Variants in PARP14 observed in about 807,000 individuals in gnomAD.
The protein encoded by PARP14 is protein mono-ADP-ribosyltransferase PARP14.
Under a neutral mutation model 154.2 loss-of-function variants are expected in PARP14, and 59 were observed. The ratio of observed to expected loss-of-function variants is 0.38; its 90% CI spans 0.31 to 0.48. PARP14 has a LOEUF of 0.48. PARP14 is among the 20% of genes least tolerant of loss of function. The pLI is 0.98. For missense variants in PARP14, 1,734 were observed against 2,131.6 expected (o/e 0.81, Z 3.67); for synonymous variants, 720 against 780.5 (o/e 0.92, Z 1.29).
At chr3:122,704,497 A>G (rs1163785491) in intron 7 of PARP14, 30 bp from the exon 8 acceptor site, 1 of 1,348,360 alleles carries the variant, frequency 7.4e-7, no homozygotes, top group South Asian at 1.3e-5. Context: ...TCTAGACAAG[A>G]TGTATAAGGA....
intron 1 of PARP14, among the ~76,000 whole-genome samples, chr3:122,683,560 G>A (rs1006516200): frequency 3.9e-5 from 6 of 151,984 alleles, no homozygotes; most frequent in African/African-American, 9.7e-5. Context: ...GGTTGTTGTC[G>A]GGTTCCTTGT....
At chr3:122,693,372 G>A (rs549897697) in intron 4 of PARP14, among the ~76,000 whole-genome samples, 66 of 152,294 alleles carry the variant, frequency 4.3e-4, no homozygotes, top group Non-Finnish European at 7.6e-4. Context: ...CAGTGGAGCG[G>A]TTAAGAGCAC....
intron 12 of PARP14, among the ~76,000 whole-genome samples, chr3:122,716,442 A>T (rs893104703): frequency 1.3e-5 from 2 of 152,170 alleles, no homozygotes; most frequent in African/African-American, 4.8e-5. Context: ...GGCTCTGGAG[A>T]TAGAAAGATA....
chr3:122,695,396 AT>A lies in PARP14; in HGVS notation c.599-26del. On this transcript the variant is annotated intron_variant, in intron 4 of 16. Transcript: ENST00000474629. Reference sequence around the variant, plus strand: ...ATAAAGATACAATAAAAATTTACTGATTTTCTTTCTTTTTTTTTTTGGTTTG... The same window carrying A: ...ATAAAGATACAATAAAAATTTACTGATTTCTTTCTTTTTTTTTTTGGTTTG... 2.7e-6 allele frequency: 3 copies of A among 1,103,988 alleles called. No homozygotes were observed. The Admixed American group carries it at 7.2e-5, about 27-fold the overall frequency. The allele number at this position is 1,103,988 out of a possible 1,614,324, so 68.4% of individuals were successfully genotyped here.
intron 6 of PARP14, among the ~76,000 whole-genome samples, chr3:122,702,189 G>C (rs1025945131): frequency 2.6e-5 from 4 of 152,100 alleles, no homozygotes; most frequent in African/African-American, 9.7e-5. Flanking sequence ...GGGCATGGCA[G>C]GGGTTGGAGG....
chr3:122,701,873 T>C lies in PARP14; in HGVS notation c.3081+238T>C, dbSNP rs1444031946. On this transcript the variant is annotated intron_variant, in intron 6 of 16. Transcript: ENST00000474629. This position sits in a 1 kb window ranked among gnomAD's most constrained non-coding sequence, Gnocchi z 4.0. ...AACTGAAAGGGTATAGAGGTCAGAT[T>C]GCTAGATTTCCAGTAGATGTAAAAC... is the stretch of plus-strand genomic sequence containing the variant. Among the ~76,000 whole-genome samples, 1 of 152,238 alleles carries C rather than the reference T, an allele frequency of 6.6e-6. No individual in the cohort carries two copies. Among genetic ancestry groups the C allele is most frequent in the African/African-American group, 2.4e-5 (1 of 41,466 alleles).
At chr3:122,716,606 G>T (rs1317563583) in intron 12 of PARP14, among the ~76,000 whole-genome samples, 1 of 152,130 alleles carries the variant, frequency 6.6e-6, no homozygotes, top group Non-Finnish European at 1.5e-5. Context: ...AAACCCAGCT[G>T]GTCCCTAGGT....
chr3:122,701,508 C>A lies in PARP14; in HGVS notation c.2954C>A (p.Thr985Lys). ...KTVFKATLPD[T>K]AAPPGLPPAA... Reference sequence around the variant, plus strand: ...GTATTTAAAGCCACCCTGCCAGATACAGCTGCCCCGCCAGGTTTACCACCA... The same window carrying A: ...GTATTTAAAGCCACCCTGCCAGATAAAGCTGCCCCGCCAGGTTTACCACCA... Residue 985 changes from threonine to lysine, a missense_variant, in exon 6 of 17, where the codon ACA becomes AAA. Around this residue, in one of 2 missense-constraint regions of PARP14, gnomAD observed 1,646 missense variants for 1,976.0 expected, o/e 0.83. Coordinates refer to ENST00000474629, the MANE Select transcript of PARP14 (RefSeq NM_017554.3). This position sits in a 1 kb window ranked among gnomAD's most constrained non-coding sequence, Gnocchi z 4.0. The A allele has an allele frequency of 6.2e-7, 1 of 1,613,410 alleles. No individual in the cohort carries two copies. The highest frequency in any genetic ancestry group is 8.5e-7 in the Non-Finnish European group (1 of 1,179,572).
chr3:122,689,012 G>A (rs1459485671), intron 3 of PARP14, among the ~76,000 whole-genome samples: 1 of 152,174 alleles, frequency 6.6e-6, no homozygotes, highest in Non-Finnish European at 1.5e-5. Flanking sequence ...GCACTTGGAA[G>A]GTCCTGGAGA....
chr3:122,692,677 AG>A (rs1380187482), intron 4 of PARP14, 134 bp downstream of exon 4: 6 of 692,766 alleles, frequency 8.7e-6, no homozygotes, highest in Middle Eastern at 5.3e-4. Context: ...AAGTTAATAT[AG>A]TTTTTTTTAT....
Position 122,728,336 on chromosome 3 carries a change from T to C in PARP14, c.5145T>C (p.Phe1715=). 1 of 1,613,462 alleles carries C rather than the reference T, an allele frequency of 6.2e-7. No individual in the cohort carries two copies. Among genetic ancestry groups the C allele is most frequent in the South Asian group, 1.1e-5 (1 of 91,076 alleles). Residue 1715 remains phenylalanine (F), a synonymous_variant, in exon 17 of 17, where the codon TTT becomes TTC. Coordinates refer to ENST00000474629, the MANE Select transcript of PARP14 (RefSeq NM_017554.3). ...TGGCATATGGAAAGGGAACCTATTT[T>C]GCTGTCAATGCCAATTATTCTGCCA... ...NAVAYGKGTY[F]AVNANYSAND...
chr3:122,721,626 A>G (rs1171373879), intron 15 of PARP14: 1 of 152,224 alleles, frequency 6.6e-6, no homozygotes, highest in Non-Finnish European at 1.5e-5. Context: ...CTGCAAAATC[A>G]ACTTCTCTAA....
intron 15 of PARP14, among the ~76,000 whole-genome samples, chr3:122,724,792 CTGCGGCCTTCCGCAGTGTT>C (rs1933248015): frequency 6.6e-6 from 1 of 152,106 alleles, no homozygotes; most frequent in Non-Finnish European, 1.5e-5. Context: ...GCAGAGATCC[CTGCGGCCTTCCGCAGTGTT>C]TGTGTCCCTG....
chr3:122,692,095 A>T (rs535961097), intron 3 of PARP14, among the ~76,000 whole-genome samples: 2 of 152,362 alleles, frequency 1.3e-5, no homozygotes, highest in Admixed American at 1.3e-4. Context: ...ATGAAAATTT[A>T]AAAATATGAA....
intron 5 of PARP14, among the ~76,000 whole-genome samples, chr3:122,697,439 G>C (rs567221843): frequency 3.5e-4 from 53 of 152,298 alleles, no homozygotes; most frequent in African/African-American, 1.2e-3. Context: ...ACATAGTCAG[G>C]ATTTGAACTT....
intron 6 of PARP14, among the ~76,000 whole-genome samples, chr3:122,702,203 G>A (rs1218910515): frequency 1.3e-5 from 2 of 151,998 alleles, no homozygotes; most frequent in Non-Finnish European, 2.9e-5. Flanking sequence ...TTGGAGGGAG[G>A]CTAATATGTT....
At chr3:122,710,298 C>A (rs527578961) in intron 9 of PARP14, among the ~76,000 whole-genome samples, 1 of 152,196 alleles carries the variant, frequency 6.6e-6, no homozygotes, top group South Asian at 2.1e-4. Flanking sequence ...TTCCCAGCAC[C>A]GTTTATTGAA....
intron 8 of PARP14, among the ~76,000 whole-genome samples, chr3:122,705,420 A>G (rs1212174265): frequency 6.6e-6 from 1 of 152,256 alleles, no homozygotes; most frequent in Non-Finnish European, 1.5e-5. Flanking sequence ...ATCAATAGGA[A>G]GATGTCAGAA....
At chr3:122,706,223 T>C (rs1939147037) in intron 8 of PARP14, among the ~76,000 whole-genome samples, 1 of 152,198 alleles carries the variant, frequency 6.6e-6, no homozygotes, top group African/African-American at 2.4e-5. Flanking sequence ...TCTATACAGA[T>C]GCCTTTAGTA....
Sources: gnomAD v4.1 joint callset for allele counts (sites outside exome capture counted in the v4.1 genomes callset) on GRCh38, gnomAD v4.1.1 for gene constraint, gnomAD v4.1.1 regional missense constraint, Gnocchi (gnomAD v3.1) non-coding constraint, MANE v1.5 for transcripts, NCBI Gene and HGNC (gene_info 2026-07-23, HGNC 2026-07-21) for gene names.